The following DACH2 variants were observed in gnomAD, a reference collection of about 807,000 sequenced individuals.
DACH2 encodes dachshund family transcription factor 2, also known as dachshund homolog 2.
Under a neutral mutation model 35.8 loss-of-function variants are expected in DACH2, and 17 were observed. That is an observed-to-expected ratio of 0.48 (90% CI 0.33 to 0.71). The LOEUF is 0.71. Ranked by LOEUF, DACH2 falls within the 30% of genes least tolerant of loss-of-function variation. The pLI is 0.02. For synonymous variants in DACH2, 195 were observed against 177.3 expected, an observed-to-expected ratio of 1.10 and a Z score of -0.79; for missense variants, 469 against 472.7, an observed-to-expected ratio of 0.99 and a Z score of 0.07.
intron 2 of DACH2, among the ~76,000 whole-genome samples, chrX:86,429,852 C>T (rs2036957998): frequency 1.8e-5 from 2 of 112,064 alleles, no homozygotes; most frequent in South Asian, 3.7e-4. Flanking sequence ...CATGAGCCAC[C>T]GCGCCTGGCC....
At chrX:86,288,204 A>G (rs2034193247) in intron 1 of DACH2, among the ~76,000 whole-genome samples, 1 of 111,761 alleles carries the variant, frequency 8.9e-6, no homozygotes, top group African/African-American at 3.3e-5. Context: ...TAGGAGAGAG[A>G]TTTTTGTTCT....
intron 2 of DACH2, among the ~76,000 whole-genome samples, chrX:86,456,039 C>T (rs1162341585): frequency 8.9e-6 from 1 of 112,219 alleles, no homozygotes; most frequent in African/African-American, 3.2e-5. Flanking sequence ...GTTTCCCTGG[C>T]AGGGTAGCAC....
intron 1 of DACH2, among the ~76,000 whole-genome samples, chrX:86,313,631 T>C (rs1181505896): frequency 2.7e-5 from 3 of 112,238 alleles, no homozygotes; most frequent in Non-Finnish European, 1.9e-5. Context: ...CCTAGGGTTA[T>C]TATTAGAATT....
intron 2 of DACH2, among the ~76,000 whole-genome samples, chrX:86,390,273 C>T (rs1316077947): frequency 1.8e-5 from 2 of 111,901 alleles, no homozygotes; most frequent in Non-Finnish European, 3.8e-5. Context: ...GGTCACTTAA[C>T]CTTTCAAAGA....
rs186544635 is a variant in DACH2, at chrX:86,433,739, C to G, written c.527+56877C>G. ...GGAATTCTGTAGCTAGGTAGTTACA[C>G]TGTTATGTAAAATTAGGCTAGGAAA... is the stretch of plus-strand genomic sequence containing the variant. On this transcript the variant is annotated intron_variant, in intron 2 of 11. Transcript: ENST00000373125. 2.8e-4 allele frequency among the ~76,000 whole-genome samples: 31 copies of G among 111,692 alleles called. No individual in the cohort carries two copies. In the East Asian group the frequency reaches 3.4e-3, roughly 12 times the overall value.
At chrX:86,357,591 G>C (rs1386147806) in intron 1 of DACH2, among the ~76,000 whole-genome samples, 2 of 111,988 alleles carry the variant, frequency 1.8e-5, no homozygotes, top group Non-Finnish European at 3.8e-5. Context: ...GACATTCTTC[G>C]TGTATTTTAA....
At chrX:86,251,460 C>A (rs6623602) in intron 1 of DACH2, among the ~76,000 whole-genome samples, 1 of 109,078 alleles carries the variant, frequency 9.2e-6, no homozygotes, top group Non-Finnish European at 1.9e-5. Context: ...TACACTGAAC[C>A]CAGTTTGTAG....
chrX:86,772,760 G>T (rs765962291), intron 7 of DACH2, among the ~76,000 whole-genome samples: 2 of 111,356 alleles, frequency 1.8e-5, no homozygotes, highest in East Asian at 2.8e-4. Flanking sequence ...TTCCAAAGCG[G>T]CTTCCATAGA....
chrX:86,415,351 G>C (rs995576656), intron 2 of DACH2, among the ~76,000 whole-genome samples: 2 of 111,831 alleles, frequency 1.8e-5, no homozygotes, highest in Non-Finnish European at 3.8e-5. Flanking sequence ...AGTCACTGGA[G>C]AGTATAGCTC....
chrX:86,411,622 A>G (rs1331486225), intron 2 of DACH2, among the ~76,000 whole-genome samples: 1 of 112,099 alleles, frequency 8.9e-6, no homozygotes, highest in Non-Finnish European at 1.9e-5. Context: ...GCTGATATGA[A>G]GTCAATAAAT....
intron 1 of DACH2, among the ~76,000 whole-genome samples, chrX:86,237,520 G>A (rs2033080000): frequency 9.0e-6 from 1 of 111,083 alleles, no homozygotes; most frequent in Non-Finnish European, 1.9e-5. Flanking sequence ...CCTGGGGTGT[G>A]CTTTGTCATC....
At chrX:86,201,746 A>G (rs1380767995) in intron 1 of DACH2, among the ~76,000 whole-genome samples, 2 of 111,222 alleles carry the variant, frequency 1.8e-5, no homozygotes, top group East Asian at 5.6e-4. Flanking sequence ...GAGTAATTCT[A>G]CCATTATCTC....
intron 3 of DACH2, among the ~76,000 whole-genome samples, chrX:86,578,882 C>T (rs779504508): frequency 9.0e-6 from 1 of 111,454 alleles, no homozygotes; most frequent in Non-Finnish European, 1.9e-5. Flanking sequence ...AATGTTTGTT[C>T]TAGTTGATCT....
chrX:86,695,988 T>C (rs1295664560), intron 5 of DACH2, among the ~76,000 whole-genome samples: 1 of 112,049 alleles, frequency 8.9e-6, no homozygotes, highest in Non-Finnish European at 1.9e-5. Context: ...GTAAGTACTA[T>C]ATATATCACA....
At chrX:86,687,348 T>C (rs1036731878) in intron 4 of DACH2, among the ~76,000 whole-genome samples, 2 of 111,361 alleles carry the variant, frequency 1.8e-5, no homozygotes, top group Admixed American at 9.6e-5. Context: ...TGAGATACCA[T>C]CTCACACCAG....
chrX:86,470,252 AATCT>A (rs746812760), intron 2 of DACH2, among the ~76,000 whole-genome samples: 2 of 111,993 alleles, frequency 1.8e-5, no homozygotes, highest in Admixed American at 9.5e-5. Context: ...ATGGATTATC[AATCT>A]ATTTAAGCAC....
chrX:86,288,551 G>T (rs1368974209), intron 1 of DACH2, among the ~76,000 whole-genome samples: 1 of 112,130 alleles, frequency 8.9e-6, no homozygotes, highest in Non-Finnish European at 1.9e-5. Flanking sequence ...CCTTAGAGGT[G>T]TAATTGTGTA....
At chrX:86,328,898 A>G (rs1302603381) in intron 1 of DACH2, among the ~76,000 whole-genome samples, 1 of 111,943 alleles carries the variant, frequency 8.9e-6, no homozygotes, top group Non-Finnish European at 1.9e-5. Context: ...ATAAAGGCAA[A>G]CTGTAATTCT....
chrX:86,782,344 A>T (rs1395455736), intron 7 of DACH2, among the ~76,000 whole-genome samples: 1 of 111,919 alleles, frequency 8.9e-6, no homozygotes, highest in Non-Finnish European at 1.9e-5. Flanking sequence ...CAATCCTCAA[A>T]TTTATATGGA....
Sources: allele counts gnomAD v4.1 joint callset (sites outside exome capture counted in the v4.1 genomes callset), GRCh38; gene constraint gnomAD v4.1.1; transcripts MANE v1.5; gene names NCBI Gene and HGNC (gene_info 2026-07-23, HGNC 2026-07-21).